Variants in CTDSPL observed in about 807,000 individuals in gnomAD.
CTDSPL encodes the protein CTD small phosphatase like.
A neutral mutation model predicts 30.5 loss-of-function variants in CTDSPL; 8 were observed. That is an observed-to-expected ratio of 0.26 (90% CI 0.15 to 0.47). The LOEUF (loss-of-function observed/expected upper bound fraction) is 0.47. Among genes scored for constraint, CTDSPL ranks in the 20% least tolerant of loss-of-function variants. CTDSPL has a pLI of 0.99. For missense variants in CTDSPL, 248 were observed against 366.1 expected (o/e 0.68, Z 2.63); for synonymous variants, 110 against 137.9 (o/e 0.80, Z 1.42).
intron 1 of CTDSPL, among the ~76,000 whole-genome samples, chr3:37,893,496 A>G (rs1264853458): frequency 1.3e-5 from 2 of 152,220 alleles, no homozygotes; most frequent in Non-Finnish European, 2.9e-5. Context: ...TAATGCAAAT[A>G]TTGACTCAAT....
chr3:37,889,569 G>T (rs973213825), intron 1 of CTDSPL, among the ~76,000 whole-genome samples: 7 of 152,082 alleles, frequency 4.6e-5, no homozygotes, highest in African/African-American at 1.7e-4. Flanking sequence ...ACACAGAAAA[G>T]AGAGAAAAGG....
chr3:37,887,924 A>G (rs1698280956), intron 1 of CTDSPL, among the ~76,000 whole-genome samples: 1 of 152,236 alleles, frequency 6.6e-6, no homozygotes, highest in Non-Finnish European at 1.5e-5. Context: ...GCCTTGCATA[A>G]TTTAAGAAAT....
At position 37,872,539 on chromosome 3, in the gene CTDSPL, C is replaced by CT. The variant is rs34657967; in HGVS notation, c.79+10281dup. Among the ~76,000 whole-genome samples, 486 of 50,512 alleles carry CT rather than the reference C, an allele frequency of 9.6e-3. 6 individuals carry two copies. Among genetic ancestry groups the CT allele is most frequent in the Admixed American group, 0.027 (128 of 4,742 alleles). 33.1% of individuals were successfully genotyped at this position (50,512 alleles called of 152,430 possible). ...GATGTCAAGTCTTCCTACTTAGGCT[C>CT]TTTTTTTTTTTTTTTTTTTTAAATT... On this transcript the variant is annotated intron_variant, in intron 1 of 7. Coordinates refer to ENST00000273179, the MANE Select transcript of CTDSPL (RefSeq NM_001008392.2).
chr3:37,955,004 ATTG>A (rs1183338101), intron 2 of CTDSPL: 1 of 152,164 alleles, frequency 6.6e-6, no homozygotes, highest in African/African-American at 2.4e-5. Context: ...CTTCAGCTGC[ATTG>A]TTGTGATCTT....
At chr3:37,940,040 C>T (rs1411978685) in intron 1 of CTDSPL, among the ~76,000 whole-genome samples, 1 of 149,720 alleles carries the variant, frequency 6.7e-6, no homozygotes, top group Non-Finnish European at 1.5e-5. Flanking sequence ...TGCAGTGTGC[C>T]GAGATCGCAC....
chr3:37,914,721 C>G (rs1698624005), intron 1 of CTDSPL, among the ~76,000 whole-genome samples: 1 of 152,084 alleles, frequency 6.6e-6, no homozygotes, highest in South Asian at 2.1e-4. Flanking sequence ...CGAGGCTTTG[C>G]TCCTAAGAAG....
chr3:37,962,092 T>A (rs1386007634), intron 3 of CTDSPL, among the ~76,000 whole-genome samples: 1 of 152,238 alleles, frequency 6.6e-6, no homozygotes, highest in East Asian at 1.9e-4. Flanking sequence ...GTGACTGGTA[T>A]TTCTCTTGTT....
At position 37,881,675 on chromosome 3, in the gene CTDSPL, A is replaced by G. The variant is rs532704548; in HGVS notation, c.79+19397A>G. Among the ~76,000 whole-genome samples, 29 of 152,390 alleles carry G rather than the reference A, an allele frequency of 1.9e-4. No individual in the cohort carries two copies. In the East Asian group the frequency reaches 2.3e-3, roughly 12 times the overall value. ...ACAACAACAAAAAACACCAAGTTCCATAATACATACAGCATGGTACCATAC... is the reference window on the plus strand; with the variant it reads ...ACAACAACAAAAAACACCAAGTTCCGTAATACATACAGCATGGTACCATAC... On this transcript the variant is annotated intron_variant, in intron 1 of 7. Coordinates refer to ENST00000273179, the MANE Select transcript of CTDSPL (RefSeq NM_001008392.2).
Position 37,883,142 on chromosome 3 carries a change from A to C in CTDSPL, c.79+20864A>C, listed in dbSNP as rs114907214. Among the ~76,000 whole-genome samples the C allele has an allele frequency of 5.5e-3, 842 of 152,316 alleles. 24 individuals carry two copies. In the South Asian group the frequency reaches 0.076, roughly 14 times the overall value. On this transcript the variant is annotated intron_variant, in intron 1 of 7. Transcript: ENST00000273179. The stretch of plus-strand genomic sequence containing the variant: ...ACAAAGCAAAGTGAAATCATATTGG[A>C]AAGAGAACAAAGACATATGTGAAAT...
intron 5 of CTDSPL, among the ~76,000 whole-genome samples, chr3:37,970,835 T>A (rs776318560): frequency 6.6e-6 from 1 of 152,218 alleles, no homozygotes; most frequent in Admixed American, 6.5e-5. Context: ...CCACCCTTTA[T>A]GGTGTCATAG....
At chr3:37,885,869 A>G (rs759642636) in intron 1 of CTDSPL, among the ~76,000 whole-genome samples, 1 of 152,218 alleles carries the variant, frequency 6.6e-6, no homozygotes, top group East Asian at 1.9e-4. Flanking sequence ...TCTTTTAATC[A>G]CAAAGTAGTG....
chr3:37,925,872 T>C (rs1256603491), intron 1 of CTDSPL, among the ~76,000 whole-genome samples: 1 of 152,138 alleles, frequency 6.6e-6, no homozygotes, highest in Non-Finnish European at 1.5e-5. Context: ...CACCACTCTT[T>C]AACCTCTTCC....
chr3:37,981,963 C>T lies in CTDSPL; in HGVS notation c.*1096C>T, dbSNP rs187270186. On this transcript the variant is annotated 3_prime_UTR_variant, in exon 8 of 8. Transcript: ENST00000273179. ...TATGCTCACTGCTAAGCTACAAACT[C>T]GGACAGGGTCAGAAACAGAGGTGTC... is the stretch of plus-strand genomic sequence containing the variant. 69 of 451,378 alleles carry T rather than the reference C, an allele frequency of 1.5e-4. No homozygotes were observed. The Admixed American group carries it at 1.6e-3, about 11-fold the overall frequency. 28.0% of individuals were successfully genotyped at this position (451,378 alleles called of 1,614,324 possible).
chr3:37,928,529 T>C (rs1388865257), intron 1 of CTDSPL, among the ~76,000 whole-genome samples: 1 of 152,240 alleles, frequency 6.6e-6, no homozygotes, highest in Non-Finnish European at 1.5e-5. Context: ...TTGTATGTCT[T>C]TAGAGAAATA....
intron 1 of CTDSPL, among the ~76,000 whole-genome samples, chr3:37,940,696 G>A (rs1299621458): frequency 6.6e-6 from 1 of 150,468 alleles, no homozygotes; most frequent in African/African-American, 2.4e-5. Context: ...AGCCAGTCAT[G>A]TGGCTCAGAT....
At chr3:37,908,028 C>A (rs1463239816) in intron 1 of CTDSPL, among the ~76,000 whole-genome samples, 8 of 152,236 alleles carry the variant, frequency 5.3e-5, no homozygotes, top group Admixed American at 5.2e-4. Context: ...AAAGCTTCTA[C>A]AGTTCAGTTT....
chr3:37,961,213 CATCTTT>C (rs1348583286), intron 3 of CTDSPL, among the ~76,000 whole-genome samples: 4 of 152,206 alleles, frequency 2.6e-5, no homozygotes, highest in Non-Finnish European at 4.4e-5. Flanking sequence ...TTGGAAATGA[CATCTTT>C]ATCCTTACCA....
intron 1 of CTDSPL, among the ~76,000 whole-genome samples, chr3:37,908,078 CACAAGTGGTTAATGGA>C (rs1698538399): frequency 6.6e-6 from 1 of 152,178 alleles, no homozygotes; most frequent in African/African-American, 2.4e-5. Flanking sequence ...GCAGCTAAAC[CACAAGTGGTTAATGGA>C]ACAAAAGTAC....
intron 3 of CTDSPL, among the ~76,000 whole-genome samples, chr3:37,958,187 C>T (rs569543140): frequency 6.6e-6 from 1 of 152,288 alleles, no homozygotes; most frequent in Admixed American, 6.5e-5. Flanking sequence ...ATGTCACTTA[C>T]AAATTGCCCA....
Sources: gnomAD v4.1 joint callset for allele counts (sites outside exome capture counted in the v4.1 genomes callset) on GRCh38, gnomAD v4.1.1 for gene constraint, MANE v1.5 for transcripts, NCBI Gene and HGNC (gene_info 2026-07-23, HGNC 2026-07-21) for gene names.